The following DDX60 variants were observed in gnomAD, a reference collection of about 807,000 sequenced individuals.
The protein encoded by DDX60 is DExD/H-box helicase 60, also known as probable ATP-dependent RNA helicase DDX60.
Under a neutral mutation model 212.8 loss-of-function variants are expected in DDX60, and 165 were observed. The ratio of observed to expected loss-of-function variants is 0.78; its 90% CI spans 0.68 to 0.88. The LOEUF (loss-of-function observed/expected upper bound fraction) is 0.88. DDX60 is among the 40% of genes least tolerant of loss of function. The probability of loss-of-function intolerance (pLI) is 0.00; values close to 1 mark genes in which losing one functional copy is unlikely to be tolerated. For synonymous variants in DDX60, 703 were observed against 685.3 expected (o/e 1.03, Z -0.40); for missense variants, 1,905 against 2,003.9 (o/e 0.95, Z 0.94).
At chr4:168,324,492 G>T in the DDX60 span, among the ~76,000 whole-genome samples, 1 of 152,198 alleles carries the variant, frequency 6.6e-6, no homozygotes, top group East Asian at 1.9e-4. Context: ...TACAGCATTT[G>T]TTGGAGGGGG....
chr4:168,274,765 GAA>G (rs1735258927), intron 16 of DDX60, among the ~76,000 whole-genome samples: 1 of 70,528 alleles, frequency 1.4e-5, no homozygotes, highest in Non-Finnish European at 3.0e-5. Flanking sequence ...ACCATCATAA[GAA>G]AGATTCTGAA....
At chr4:168,242,136 C>G (rs770122214) in intron 30 of DDX60, among the ~76,000 whole-genome samples, 4 of 152,184 alleles carry the variant, frequency 2.6e-5, no homozygotes, top group Non-Finnish European at 5.9e-5. Flanking sequence ...GAACCTCTGC[C>G]TCAATTTCAG....
At chr4:168,309,835 T>C (rs1013960593) in intron 3 of DDX60, among the ~76,000 whole-genome samples, 1 of 152,010 alleles carries the variant, frequency 6.6e-6, no homozygotes, top group Non-Finnish European at 1.5e-5. Flanking sequence ...AAGTCACAAA[T>C]AATATTTATT....
At chr4:168,234,974 C>A (rs144780971) in intron 33 of DDX60, among the ~76,000 whole-genome samples, 69 of 152,122 alleles carry the variant, frequency 4.5e-4, no homozygotes, top group Admixed American at 4.3e-3. Context: ...AGTTAGTCTT[C>A]GTCTTCTCAA....
upstream of DDX60, among the ~76,000 whole-genome samples, chr4:168,320,691 A>T (rs573242620): frequency 6.6e-6 from 1 of 152,232 alleles, no homozygotes; most frequent in African/African-American, 2.4e-5. Context: ...GAAATAATGG[A>T]TTGTGTTATA....
chr4:168,218,854 C>T (rs754286796), intron 37 of DDX60, among the ~76,000 whole-genome samples: 4 of 152,178 alleles, frequency 2.6e-5, no homozygotes, highest in Non-Finnish European at 5.9e-5. Context: ...TCATTTGAGA[C>T]TCTTTCTTTG....
At chr4:168,302,173 GTTAT>G in intron 6 of DDX60, 123 bp downstream of exon 6, 1 of 463,184 alleles carries the variant, frequency 2.2e-6, no homozygotes, top group Non-Finnish European at 3.9e-6. Context: ...ATGTTCCGTG[GTTAT>G]TTAAGATGTT....
intron 29 of DDX60, among the ~76,000 whole-genome samples, chr4:168,247,945 T>C (rs1480703958): frequency 1.3e-5 from 2 of 152,172 alleles, no homozygotes; most frequent in Non-Finnish European, 2.9e-5. Flanking sequence ...ATTTTGGAGA[T>C]AGAAAATGAG....
intron 7 of DDX60, among the ~76,000 whole-genome samples, chr4:168,292,173 G>A (rs574007744): frequency 2.7e-5 from 4 of 150,520 alleles, no homozygotes; most frequent in Admixed American, 6.7e-5. Flanking sequence ...TCAGCCTCCC[G>A]AGTAGCTGGG....
intron 35 of DDX60, among the ~76,000 whole-genome samples, chr4:168,222,087 T>C (rs1733077831): frequency 6.6e-6 from 1 of 152,068 alleles, no homozygotes. Flanking sequence ...CCCATGAAGA[T>C]TATTGCCTCC....
intron 6 of DDX60, among the ~76,000 whole-genome samples, chr4:168,295,965 T>A (rs1334864186): frequency 2.6e-5 from 4 of 152,038 alleles, no homozygotes; most frequent in Non-Finnish European, 5.9e-5. Flanking sequence ...GTTGAACTCA[T>A]AGAAATAGAG....
rs1422508874 is a variant in DDX60, at chr4:168,267,688, A to G, written c.2933T>C (p.Leu978Pro). ...VKQSYKVRLVLYGERYNDLEK... is the reference protein window; with the variant it reads ...VKQSYKVRLVPYGERYNDLEK... ...TAGATCATTATACCTCTCTCCATAG[A>G]GCACTAAAAATGAAGAACAAGAATT... Residue 978 changes from leucine to proline, a missense_variant, in exon 22 of 38, where the codon CTC becomes CCC. By Grantham distance (98) the Leu-to-Pro change is moderately conservative (BLOSUM62 -3). Coordinates refer to ENST00000393743, the MANE Select transcript of DDX60 (RefSeq NM_017631.6). The G allele has an allele frequency of 6.3e-7, 1 of 1,577,162 alleles. No homozygotes were observed. The highest frequency in any genetic ancestry group is 8.6e-7 in the Non-Finnish European group (1 of 1,162,956).
chr4:168,303,030 C>T (rs913703902), intron 5 of DDX60, among the ~76,000 whole-genome samples: 5 of 151,914 alleles, frequency 3.3e-5, no homozygotes, highest in South Asian at 2.1e-4. Flanking sequence ...CAGCCGGGCT[C>T]GGTGGCTCAC....
chr4:168,261,683 G>A (rs1025998735), intron 24 of DDX60, among the ~76,000 whole-genome samples: 1 of 152,184 alleles, frequency 6.6e-6, no homozygotes, highest in Non-Finnish European at 1.5e-5. Flanking sequence ...GACTGTTACT[G>A]TGAGTTCAGT....
At position 168,234,166 on chromosome 4, in the gene DDX60, T is replaced by C. The variant is rs139492086; in HGVS notation, c.4533+2086A>G. Reference sequence around the variant, plus strand: ...GATTTATGATTTTCTCTTTGTGCTTTTCAGCAGTTTAGCTTAATGTTTTTC... The same window carrying C: ...GATTTATGATTTTCTCTTTGTGCTTCTCAGCAGTTTAGCTTAATGTTTTTC... On this transcript the variant is annotated intron_variant, in intron 33 of 37. Coordinates refer to ENST00000393743, the MANE Select transcript of DDX60 (RefSeq NM_017631.6). Among the ~76,000 whole-genome samples, 343 of 152,224 alleles carry C rather than the reference T, an allele frequency of 2.3e-3. 1 individual carries two copies. Among genetic ancestry groups the C allele is most frequent in the African/African-American group, 7.4e-3 (306 of 41,562 alleles).
At chr4:168,235,817 A>G (rs2149495759) in intron 33 of DDX60, among the ~76,000 whole-genome samples, 1 of 152,178 alleles carries the variant, frequency 6.6e-6, no homozygotes, top group African/African-American at 2.4e-5. Context: ...GATTTCTTAG[A>G]TGACTATTCT....
chr4:168,277,077 G>A (rs1336225643), intron 14 of DDX60, among the ~76,000 whole-genome samples: 1 of 152,190 alleles, frequency 6.6e-6, no homozygotes, highest in African/African-American at 2.4e-5. Context: ...TGTCAGTTTG[G>A]AGGTATTATG....
rs1737436464 is a variant in DDX60, at chr4:168,317,276, C to A, written c.-107+1346G>T. On this transcript the variant is annotated intron_variant, in intron 1 of 37. Transcript: ENST00000393743. The stretch of plus-strand genomic sequence containing the variant: ...AACAATCATAAGACCACAAATCTTA[C>A]AAACGAATAAATTAAAAGGGGATGA... Among the ~76,000 whole-genome samples, 4 of 151,770 alleles carry A rather than the reference C, an allele frequency of 2.6e-5. No homozygotes were observed. In the South Asian group the frequency reaches 8.3e-4, roughly 32 times the overall value.
intron 25 of DDX60, among the ~76,000 whole-genome samples, chr4:168,256,993 T>C (rs1734437584): frequency 6.6e-6 from 1 of 152,230 alleles, no homozygotes; most frequent in African/African-American, 2.4e-5. Flanking sequence ...AAATTTCATA[T>C]AGTAGACAAT....
Sources: allele counts gnomAD v4.1 joint callset (sites outside exome capture counted in the v4.1 genomes callset), GRCh38; gene constraint gnomAD v4.1.1; transcripts MANE v1.5; gene names NCBI Gene and HGNC (gene_info 2026-07-23, HGNC 2026-07-21).